The following EMB variants were observed in gnomAD, a reference collection of about 807,000 sequenced individuals.
EMB encodes embigin homolog.
A neutral mutation model predicts 41.4 loss-of-function variants in EMB; 31 were observed. That is an observed-to-expected ratio of 0.75 (90% CI 0.56 to 1.01). The LOEUF is 1.01. Ranked by LOEUF, EMB falls within the 50% of genes least tolerant of loss-of-function variation. EMB has a pLI of 0.00. For missense variants in EMB, 379 were observed against 388.3 expected, an observed-to-expected ratio of 0.98 and a Z score of 0.20; for synonymous variants, 137 against 140.4, an observed-to-expected ratio of 0.98 and a Z score of 0.17.
chr5:50,416,007 G>C (rs1054785777), intron 2 of EMB, among the ~76,000 whole-genome samples: 6 of 152,164 alleles, frequency 3.9e-5, no homozygotes, highest in African/African-American at 1.4e-4. Flanking sequence ...CATCCTCCAA[G>C]CCCTAATCGT....
intron 1 of EMB, among the ~76,000 whole-genome samples, chr5:50,440,698 C>A (rs960934853): frequency 2.0e-5 from 3 of 152,108 alleles, no homozygotes; most frequent in African/African-American, 7.2e-5. Flanking sequence ...AGCCAAGTCG[C>A]TAGCTGGTCC....
At chr5:50,420,990 A>T (rs1362644328) in intron 2 of EMB, among the ~76,000 whole-genome samples, 1 of 152,208 alleles carries the variant, frequency 6.6e-6, no homozygotes, top group African/African-American at 2.4e-5. Flanking sequence ...TATGTGATAT[A>T]GAGGGGATTT....
chr5:50,441,341 C>G, upstream of EMB: 1 of 380,454 alleles, frequency 2.6e-6, no homozygotes, highest in Non-Finnish European at 4.7e-6. Flanking sequence ...GACGCTCTTA[C>G]CGCGCCCGGC....
At chr5:50,401,096 A>G (rs767302203) in intron 7 of EMB, among the ~76,000 whole-genome samples, 1 of 152,044 alleles carries the variant, frequency 6.6e-6, no homozygotes, top group Non-Finnish European at 1.5e-5. Flanking sequence ...CATAAATAAG[A>G]TATCTATGTT....
chr5:50,406,784 T>C (rs1745256671), intron 4 of EMB, among the ~76,000 whole-genome samples: 1 of 152,034 alleles, frequency 6.6e-6, no homozygotes, highest in South Asian at 2.1e-4. Flanking sequence ...CGTGTGTTTG[T>C]CTGTTTACTT....
chr5:50,399,192 G>A lies in EMB; in HGVS notation c.*81C>T, dbSNP rs1745118198. 6.4e-7 allele frequency: 1 copy of A among 1,573,606 alleles called. No homozygotes were observed. The highest frequency in any genetic ancestry group is 8.6e-7 in the Non-Finnish European group (1 of 1,161,358). On this transcript the variant is annotated 3_prime_UTR_variant, in exon 9 of 9. Coordinates refer to ENST00000303221, the MANE Select transcript of EMB (RefSeq NM_198449.3). ...ATCCTTTTAAAACTAAAAACTCAGA[G>A]GCTCTTAACAGGAAGGATAAACAAA...
intron 2 of EMB, among the ~76,000 whole-genome samples, chr5:50,419,548 T>C (rs6868721): frequency 0.32 from 47,058 of 146,266 alleles, 7,820 homozygotes; most frequent in East Asian, 0.46. Flanking sequence ...CACACACACA[T>C]ACACACACAC....
chr5:50,432,149 C>T (rs1745729786), intron 1 of EMB, among the ~76,000 whole-genome samples: 1 of 151,972 alleles, frequency 6.6e-6, no homozygotes, highest in South Asian at 2.1e-4. Flanking sequence ...TTAAGATTTG[C>T]TTTTTTAAAT....
chr5:50,424,744 T>C (rs1745582657), intron 2 of EMB, among the ~76,000 whole-genome samples: 1 of 152,102 alleles, frequency 6.6e-6, no homozygotes, highest in African/African-American at 2.4e-5. Flanking sequence ...ACTTAGCAGG[T>C]GTCACTCACA....
At chr5:50,415,409 A>G (rs1392286497) in intron 2 of EMB, among the ~76,000 whole-genome samples, 2 of 152,198 alleles carry the variant, frequency 1.3e-5, no homozygotes, top group Non-Finnish European at 2.9e-5. Context: ...GTAAGGTGGG[A>G]CAATAATATT....
At chr5:50,409,324 G>T (rs1745297050) in intron 4 of EMB, among the ~76,000 whole-genome samples, 1 of 151,932 alleles carries the variant, frequency 6.6e-6, no homozygotes, top group South Asian at 2.1e-4. Context: ...AGAAAAATGT[G>T]TTATCTTCAA....
intron 2 of EMB, 32 bp downstream of exon 2, chr5:50,428,112 G>A (rs758755516): frequency 1.5e-5 from 22 of 1,489,372 alleles, no homozygotes; most frequent in South Asian, 3.6e-5. Context: ...CCTTTTTTTC[G>A]AATTGCATTA....
In EMB at chr5:50,432,131, A is replaced by G. The variant is rs1745729627; in HGVS notation, c.113-3904T>C. ...AAAATAAGTAACACTAGAAAACTGC[A>G]TTGGGTCTTAAGATTTGCTTTTTTA... On this transcript the variant is annotated intron_variant, in intron 1 of 8. Transcript: ENST00000303221. Among the ~76,000 whole-genome samples the G allele has an allele frequency of 2.6e-5, 4 of 152,188 alleles. No homozygotes were observed. The South Asian group carries it at 8.3e-4, about 31-fold the overall frequency.
intron 2 of EMB, among the ~76,000 whole-genome samples, chr5:50,423,433 CT>C (rs932299066): frequency 6.6e-6 from 1 of 152,038 alleles, no homozygotes; most frequent in African/African-American, 2.4e-5. Flanking sequence ...CCTGCTTTGT[CT>C]TTTTAAAAAA....
At chr5:50,441,423 G>A, upstream of EMB, 2 of 281,320 alleles carry the variant, frequency 7.1e-6, no homozygotes. Flanking sequence ...CTACTTCCCG[G>A]CTGCAGCCTC....
rs569215993 is a variant in EMB at position 50,403,075 on chromosome 5, T to C, written c.877+103A>G. 8.1e-6 allele frequency: 9 copies of C among 1,104,396 alleles called. No individual in the cohort carries two copies. In the East Asian group the frequency reaches 1.8e-4, roughly 22 times the overall value. The allele number at this position is 1,104,396 out of a possible 1,614,324, so 68.4% of individuals were successfully genotyped here. On this transcript the variant is annotated intron_variant, in intron 6 of 8. Coordinates refer to ENST00000303221, the MANE Select transcript of EMB (RefSeq NM_198449.3). ...ATTTTCCCCAAAAATCCTAAAGTCA[T>C]TGCAATGTATCAAATCATAATCCAT...
chr5:50,433,145 G>T (rs2111861954), intron 1 of EMB, among the ~76,000 whole-genome samples: 1 of 152,128 alleles, frequency 6.6e-6, no homozygotes, highest in Non-Finnish European at 1.5e-5. Flanking sequence ...TTCTAAGTCA[G>T]AGACAGATAA....
At position 50,441,120 on chromosome 5, in the gene EMB, C is replaced by G. The variant is rs769071946; in HGVS notation, c.32G>C (p.Arg11Thr). The change falls in exon 1 of 9, where the codon AGG (arginine) becomes ACG (threonine). Residue 11 changes from arginine to threonine, a missense_variant. By Grantham distance (71) the Arg-to-Thr change is moderately conservative. Transcript: ENST00000303221. ...GAGGAGCAGCCGGGGCGTACGCGCC[C>G]TGGCCTCCAGCAGGCCGGGGAGGGC... MRALPGLLEA[R>T]ARTPRLLLLQ... 22 of 1,511,874 alleles carry G rather than the reference C, an allele frequency of 1.5e-5. No homozygotes were observed. The East Asian group carries it at 5.4e-4, about 37-fold the overall frequency. 93.7% of individuals were successfully genotyped at this position (1,511,874 alleles called of 1,614,324 possible). A position where few individuals can be genotyped will look rare whatever the true frequency, so the allele number is the denominator to read the frequency against.
chr5:50,438,345 AGAGT>A (rs113702349), intron 1 of EMB, among the ~76,000 whole-genome samples: 5 of 152,348 alleles, frequency 3.3e-5, no homozygotes, highest in African/African-American at 1.2e-4. Context: ...CCTGAGCGAC[AGAGT>A]GAGAATTCCC....
Sources: allele counts gnomAD v4.1 joint callset (sites outside exome capture counted in the v4.1 genomes callset), GRCh38; gene constraint gnomAD v4.1.1; transcripts MANE v1.5; gene names NCBI Gene and HGNC (gene_info 2026-07-23, HGNC 2026-07-21).